MCC: variants seen among roughly 807,000 people sequenced by gnomAD.
MCC encodes MCC regulator of Wnt signaling pathway.
In MCC, 90 loss-of-function variants were observed where a neutral mutation model predicts 116.2. The observed-to-expected ratio is 0.77, with a 90% CI of 0.65 to 0.92. The LOEUF is 0.92. Among genes scored for constraint, MCC ranks in the 40% least tolerant of loss-of-function variants. The pLI, the probability that MCC is intolerant of heterozygous loss-of-function variation, is 0.00. For synonymous variants in MCC, 578 were observed against 510.5 expected, an observed-to-expected ratio of 1.13 and a Z score of -1.78; for missense variants, 1,516 against 1,312.2, an observed-to-expected ratio of 1.16 and a Z score of -2.40.
chr5:113,302,048 A>G (rs941921365), intron 3 of MCC, among the ~76,000 whole-genome samples: 5 of 152,226 alleles, frequency 3.3e-5, no homozygotes, highest in Non-Finnish European at 7.3e-5. Context: ...CCTCCCTCAT[A>G]CAAGTATCGC....
At chr5:113,348,867 AG>A (rs1393615129) in intron 2 of MCC, among the ~76,000 whole-genome samples, 1 of 152,098 alleles carries the variant, frequency 6.6e-6, no homozygotes, top group East Asian at 1.9e-4. Context: ...GAGGTGAAAA[AG>A]GAAACATTAC....
chr5:113,360,229 C>CA (rs991406680), intron 2 of MCC, among the ~76,000 whole-genome samples: 2 of 151,908 alleles, frequency 1.3e-5, no homozygotes, highest in Non-Finnish European at 2.9e-5. Flanking sequence ...AGCTTCTTCA[C>CA]AAAAAACAAA....
intron 1 of MCC, among the ~76,000 whole-genome samples, chr5:113,431,682 C>T (rs1231941201): frequency 1.3e-5 from 2 of 148,166 alleles, no homozygotes; most frequent in Non-Finnish European, 3.0e-5. Flanking sequence ...GAGGGGTATA[C>T]CTTGAGGCTG....
chr5:113,146,815 CT>C lies in MCC; in HGVS notation c.742-3456del, dbSNP rs200517220. On this transcript the variant is annotated intron_variant, in intron 4 of 18. Transcript: ENST00000408903. ...ATTGGTCTCAAATAATATGCTACTG[CT>C]TTTTTTTCTGTCATTACAGGTAATT... Among the ~76,000 whole-genome samples the C allele has an allele frequency of 1.1e-4, 17 of 152,108 alleles. No homozygotes were observed. In the East Asian group the frequency reaches 3.1e-3, roughly 28 times the overall value.
At chr5:113,330,827 A>T (rs1176358023) in intron 3 of MCC, among the ~76,000 whole-genome samples, 4 of 152,170 alleles carry the variant, frequency 2.6e-5, no homozygotes, top group Non-Finnish European at 2.9e-5. Flanking sequence ...TAAAACATGA[A>T]CCTCTGTTGA....
At chr5:113,222,333 T>A (rs1451076883) in intron 3 of MCC, among the ~76,000 whole-genome samples, 3 of 152,236 alleles carry the variant, frequency 2.0e-5, no homozygotes, top group African/African-American at 7.2e-5. Context: ...AATTGTCTTT[T>A]TTTACATCCA....
At position 113,099,280 on chromosome 5, in the gene MCC, T is replaced by A. The variant is rs116596054; in HGVS notation, c.1398+2459A>T. On this transcript the variant is annotated intron_variant, in intron 8 of 18. Coordinates refer to ENST00000408903, the MANE Select transcript of MCC (RefSeq NM_001085377.2). Reference sequence around the variant, plus strand: ...AAACTATACTAGTTGCACAAACTTATAAAAGGTAACAGATGTGACTGGAAG... The same window carrying A: ...AAACTATACTAGTTGCACAAACTTAAAAAAGGTAACAGATGTGACTGGAAG... Among the ~76,000 whole-genome samples, 459 of 152,320 alleles carry A rather than the reference T, an allele frequency of 3.0e-3. 3 individuals carry two copies. The highest frequency in any genetic ancestry group is 8.9e-3 in the African/African-American group (369 of 41,580).
chr5:113,067,312 C>A (rs1307003111), intron 13 of MCC, among the ~76,000 whole-genome samples: 3 of 152,114 alleles, frequency 2.0e-5, no homozygotes, highest in Admixed American at 2.0e-4. Flanking sequence ...CTTCTTTGTT[C>A]GTAAGACACC....
chr5:113,101,777 T>G lies in MCC; in HGVS notation c.1360A>C (p.Asn454His), dbSNP rs111983545. The G allele has an allele frequency of 4.3e-6, 7 of 1,613,566 alleles. No homozygotes were observed. Among genetic ancestry groups the G allele is most frequent in the Non-Finnish European group, 5.9e-6 (7 of 1,180,020 alleles). Residue 454 changes from asparagine (N) to histidine (H), a missense_variant, in exon 8 of 19, where the codon AAT becomes CAT. Physicochemically the swap from Asn to His is moderately conservative, Grantham distance 68. Transcript: ENST00000408903. The part of the protein sequence containing the change: ...EELNRTKATM[N>H]AIREERDRLR... ...CGGTCCCGCTCTTCCCGGATGGCAT[T>G]CATGGTGGCCTTAGTCCGGTTCAGT... is the stretch of plus-strand genomic sequence containing the variant.
intron 1 of MCC, among the ~76,000 whole-genome samples, chr5:113,483,961 C>T (rs995038040): frequency 3.9e-5 from 6 of 152,150 alleles, no homozygotes; most frequent in African/African-American, 1.2e-4. Context: ...CCAAATATCA[C>T]ATGGTCTCAC....
At chr5:113,292,278 AAAT>A (rs1202936251) in intron 3 of MCC, among the ~76,000 whole-genome samples, 1 of 152,144 alleles carries the variant, frequency 6.6e-6, no homozygotes, top group Non-Finnish European at 1.5e-5. Context: ...CAGAAAGTAA[AAAT>A]AACTACCATT....
In MCC at chr5:113,320,621, T is replaced by C. The variant is rs902157626; in HGVS notation, c.627+19898A>G. Among the ~76,000 whole-genome samples the C allele has an allele frequency of 2.0e-5, 3 of 152,180 alleles. 1 individual carries two copies. Among genetic ancestry groups the C allele is most frequent in the Admixed American group, 2.0e-4 (3 of 15,270 alleles). ...AAGCATACTACTTATCTCTTAAAAT[T>C]TTCAGGAACCAGCAACTGGTTTAAT... On this transcript the variant is annotated intron_variant, in intron 3 of 18. Coordinates refer to ENST00000408903, the MANE Select transcript of MCC (RefSeq NM_001085377.2).
intron 3 of MCC, among the ~76,000 whole-genome samples, chr5:113,194,472 C>G (rs2150315264): frequency 6.6e-6 from 1 of 152,178 alleles, no homozygotes; most frequent in African/African-American, 2.4e-5. Context: ...CAATATCAGC[C>G]TGGGCAACAA....
intron 11 of MCC, among the ~76,000 whole-genome samples, chr5:113,078,344 C>G (rs1453336965): frequency 6.6e-6 from 1 of 152,098 alleles, no homozygotes; most frequent in Non-Finnish European, 1.5e-5. Context: ...CTGGCAGAGA[C>G]ACAACAACAA....
intron 3 of MCC, among the ~76,000 whole-genome samples, chr5:113,255,542 A>AG (rs1561488358): frequency 2.0e-5 from 3 of 152,172 alleles, no homozygotes; most frequent in African/African-American, 7.2e-5. Flanking sequence ...AATGAAGCCC[A>AG]GTTTGATTTG....
chr5:113,368,555 A>G (rs924648347), intron 2 of MCC, among the ~76,000 whole-genome samples: 1 of 151,842 alleles, frequency 6.6e-6, no homozygotes, highest in Non-Finnish European at 1.5e-5. Flanking sequence ...AAGATATTCT[A>G]ATCTTTATTT....
At chr5:113,266,155 A>G (rs1323033540) in intron 3 of MCC, among the ~76,000 whole-genome samples, 1 of 152,044 alleles carries the variant, frequency 6.6e-6, no homozygotes, top group East Asian at 1.9e-4. Flanking sequence ...CTAAAAAATA[A>G]CTATATTATT....
intron 3 of MCC, among the ~76,000 whole-genome samples, chr5:113,216,959 A>G (rs1294794869): frequency 2.0e-5 from 3 of 152,226 alleles, no homozygotes; most frequent in African/African-American, 7.2e-5. Context: ...TTGTCAAGCA[A>G]TTTTGGTGCT....
intron 1 of MCC, among the ~76,000 whole-genome samples, chr5:113,423,149 T>C (rs1770384736): frequency 6.6e-6 from 1 of 152,234 alleles, no homozygotes; most frequent in Non-Finnish European, 1.5e-5. Flanking sequence ...CATCATCCTT[T>C]TCATGGTCTA....
Sources: gnomAD v4.1 joint callset for allele counts (sites outside exome capture counted in the v4.1 genomes callset) on GRCh38, gnomAD v4.1.1 for gene constraint, MANE v1.5 for transcripts, NCBI Gene and HGNC (gene_info 2026-07-23, HGNC 2026-07-21) for gene names.